The following ABCD2 variants were observed in gnomAD, a reference collection of about 807,000 sequenced individuals.
The protein encoded by ABCD2 is ATP-binding cassette sub-family D member 2.
In ABCD2, 36 loss-of-function variants were observed where a neutral mutation model predicts 70.9. The observed-to-expected ratio is 0.51, with a 90% CI of 0.39 to 0.67. ABCD2 has a LOEUF of 0.67. ABCD2 is among the 30% of genes least tolerant of loss of function. The pLI, the probability that ABCD2 is intolerant of heterozygous loss-of-function variation, is 0.00. For synonymous variants in ABCD2, 304 were observed against 306.9 expected, an observed-to-expected ratio of 0.99 and a Z score of 0.10; for missense variants, 729 against 890.2, an observed-to-expected ratio of 0.82 and a Z score of 2.30.
At chr12:39,600,797 T>A (rs1941886750) in intron 5 of ABCD2, 81 bp from the exon 6 acceptor site, 9 of 1,311,544 alleles carry the variant, frequency 6.9e-6, no homozygotes, top group African/African-American at 3.1e-5. Context: ...ATTATTTTTT[T>A]AAAATGTTCG....
At chr12:39,533,593 G>A in the ABCD2 span, among the ~76,000 whole-genome samples, 1 of 151,996 alleles carries the variant, frequency 6.6e-6, no homozygotes, top group African/African-American at 2.4e-5. Flanking sequence ...TCATGTAGAG[G>A]TTTTTCTATA....
intron 9 of ABCD2, among the ~76,000 whole-genome samples, chr12:39,560,998 T>C: frequency 6.6e-6 from 1 of 151,844 alleles, no homozygotes; most frequent in Non-Finnish European, 1.5e-5. Context: ...AGGAAGAAAA[T>C]ATCTACAAAA....
At chr12:39,575,478 G>GT (rs1260044849) in intron 8 of ABCD2, among the ~76,000 whole-genome samples, 3 of 152,128 alleles carry the variant, frequency 2.0e-5, no homozygotes, top group Non-Finnish European at 4.4e-5. Flanking sequence ...TTTGCTTTGT[G>GT]TATCATCAGT....
chr12:39,619,688 A>G lies in ABCD2; in HGVS notation c.-73T>C. 1 of 1,366,188 alleles carries G rather than the reference A, an allele frequency of 7.3e-7. No individual in the cohort carries two copies. The highest frequency in any genetic ancestry group is 2.4e-5 in the East Asian group (1 of 41,446). 84.6% of individuals were successfully genotyped at this position (1,366,188 alleles called of 1,614,324 possible). A position where few individuals can be genotyped will look rare whatever the true frequency, so the allele number is the denominator to read the frequency against. ...TCATGCTTCACAGAAATCCCCAGCAAATGTTTTAGAAAGTCCTACAGCGTC... is the reference window on the plus strand; with the variant it reads ...TCATGCTTCACAGAAATCCCCAGCAGATGTTTTAGAAAGTCCTACAGCGTC... On this transcript the variant is annotated 5_prime_UTR_variant, in exon 1 of 10. Transcript: ENST00000308666.
At chr12:39,570,296 G>T (rs916856653) in intron 9 of ABCD2, among the ~76,000 whole-genome samples, 1 of 152,152 alleles carries the variant, frequency 6.6e-6, no homozygotes, top group Non-Finnish European at 1.5e-5. Flanking sequence ...TGAGCATAAA[G>T]TACAAAGCTG....
chr12:39,564,312 T>A (rs1249182173), intron 9 of ABCD2, among the ~76,000 whole-genome samples: 2 of 152,210 alleles, frequency 1.3e-5, no homozygotes, highest in Non-Finnish European at 2.9e-5. Context: ...TTTTTAATAA[T>A]CGCCATTCTA....
chr12:39,539,853 T>A, the ABCD2 span: 1 of 153,650 alleles, frequency 6.5e-6, no homozygotes, highest in Non-Finnish European at 1.5e-5. Context: ...AACAGCATTA[T>A]AACACACTGA....
Position 39,619,348 on chromosome 12 carries a change from C to T in ABCD2, c.268G>A (p.Glu90Lys), listed in dbSNP as rs139904825. The T allele has an allele frequency of 6.2e-7, 1 of 1,613,830 alleles. No homozygotes were observed. Among genetic ancestry groups the T allele is most frequent in the Non-Finnish European group, 8.5e-7 (1 of 1,180,034 alleles). ...VNADFFKQLLELRKILFPKLV... is the reference protein window; with the variant it reads ...VNADFFKQLLKLRKILFPKLV... Reference sequence around the variant, plus strand: ...TTTGGAAACAAAATTTTCCGAAGTTCTAGTAGCTGTTTGAAGAAATCTGCA... The same window carrying T: ...TTTGGAAACAAAATTTTCCGAAGTTTTAGTAGCTGTTTGAAGAAATCTGCA... Residue 90 changes from glutamate (E) to lysine (K), a missense_variant, in exon 1 of 10, where the codon GAA becomes AAA. By Grantham distance (56) the Glu-to-Lys change is moderately conservative. Around this residue, in one of 3 missense-constraint regions of ABCD2, gnomAD observed 245 missense variants for 261.2 expected, o/e 0.94. Coordinates refer to ENST00000308666, the MANE Select transcript of ABCD2 (RefSeq NM_005164.4).
chr12:39,586,353 G>A, intron 6 of ABCD2, 56 bp from the exon 7 acceptor site: 1 of 1,549,616 alleles, frequency 6.5e-7, no homozygotes, highest in South Asian at 1.2e-5. Context: ...AACTTACTCA[G>A]TGTGACAACT....
chr12:39,566,386 A>T (rs997832014), intron 9 of ABCD2, among the ~76,000 whole-genome samples: 2 of 152,122 alleles, frequency 1.3e-5, no homozygotes, highest in Non-Finnish European at 2.9e-5. Context: ...GAATTTATCC[A>T]TTTCTTCTAG....
At chr12:39,587,148 A>G (rs1371860652) in intron 6 of ABCD2, among the ~76,000 whole-genome samples, 2 of 152,234 alleles carry the variant, frequency 1.3e-5, no homozygotes, top group African/African-American at 2.4e-5. Flanking sequence ...ATAGCAAAAT[A>G]CTGAAATACA....
At position 39,571,617 on chromosome 12, in the gene ABCD2, G is replaced by A. The variant is rs138356979; in HGVS notation, c.2003+2099C>T. ...CATGGGAGGAACCAACTGTGTAGGCGTTTCATACCCTGAGATTCAAACGCA... is the reference window on the plus strand; with the variant it reads ...CATGGGAGGAACCAACTGTGTAGGCATTTCATACCCTGAGATTCAAACGCA... On this transcript the variant is annotated intron_variant, in intron 9 of 9. Coordinates refer to ENST00000308666, the MANE Select transcript of ABCD2 (RefSeq NM_005164.4). Among the ~76,000 whole-genome samples the A allele has an allele frequency of 2.4e-3, 369 of 152,202 alleles. 3 individuals are homozygous for A. Among genetic ancestry groups the A allele is most frequent in the African/African-American group, 8.1e-3 (338 of 41,550 alleles).
At chr12:39,574,366 A>G (rs1941488802) in intron 8 of ABCD2, among the ~76,000 whole-genome samples, 1 of 152,170 alleles carries the variant, frequency 6.6e-6, no homozygotes, top group Non-Finnish European at 1.5e-5. Flanking sequence ...AATTTATAAC[A>G]CACATTTAAC....
At position 39,605,535 on chromosome 12, in the gene ABCD2, T is replaced by A. The variant is rs116915839; in HGVS notation, c.1237-605A>T. ...GCCCAAAGAAAAACATTAAATATAT[T>A]TTTTTTTCTAGGTAAGATTATAAGA... On this transcript the variant is annotated intron_variant, in intron 3 of 9. Coordinates refer to ENST00000308666, the MANE Select transcript of ABCD2 (RefSeq NM_005164.4). Among the ~76,000 whole-genome samples the A allele has an allele frequency of 6.9e-3, 1,052 of 152,040 alleles. 2 individuals are homozygous for A. Among genetic ancestry groups the A allele is most frequent in the Middle Eastern group, 0.017 (5 of 294 alleles).
intron 1 of ABCD2, among the ~76,000 whole-genome samples, chr12:39,618,334 G>C (rs1408910130): frequency 1.3e-5 from 2 of 151,968 alleles, no homozygotes; most frequent in Non-Finnish European, 2.9e-5. Context: ...TTTTCTTCTG[G>C]TAGGTGCTTT....
chr12:39,575,438 G>A (rs1330888047), intron 8 of ABCD2, among the ~76,000 whole-genome samples: 2 of 152,082 alleles, frequency 1.3e-5, no homozygotes, highest in African/African-American at 2.4e-5. Flanking sequence ...AAAGCATTAG[G>A]TAATATTGTT....
chr12:39,606,318 C>G (rs555014677), intron 3 of ABCD2, among the ~76,000 whole-genome samples: 58 of 152,256 alleles, frequency 3.8e-4, no homozygotes, highest in African/African-American at 1.3e-3. Context: ...CCCTCTGGTG[C>G]TAGCAGAGAA....
downstream of ABCD2, among the ~76,000 whole-genome samples, chr12:39,545,759 C>T (rs1941020110): frequency 6.6e-6 from 1 of 152,040 alleles, no homozygotes. Context: ...TAAAAAGACT[C>T]TAATTTGAGG....
intron 5 of ABCD2, among the ~76,000 whole-genome samples, chr12:39,601,123 A>T (rs1941891358): frequency 6.6e-6 from 1 of 152,118 alleles, no homozygotes; most frequent in Non-Finnish European, 1.5e-5. Context: ...CTGAAAATTA[A>T]CTGCAATTAA....
Sources: allele counts gnomAD v4.1 joint callset (sites outside exome capture counted in the v4.1 genomes callset), GRCh38; gene constraint gnomAD v4.1.1; regional missense constraint gnomAD v4.1.1; transcripts MANE v1.5; gene names NCBI Gene and HGNC (gene_info 2026-07-23, HGNC 2026-07-21).